The following CHD8 variants were observed in gnomAD, a reference collection of about 807,000 sequenced individuals.
CHD8 encodes the protein chromodomain helicase DNA binding protein 8.
In CHD8, 31 loss-of-function variants were observed where a neutral mutation model predicts 279.2. That is an observed-to-expected ratio of 0.11 (90% confidence interval 0.08 to 0.15). The LOEUF (loss-of-function observed/expected upper bound fraction) is 0.15. Among genes scored for constraint, CHD8 ranks in the 10% least tolerant of loss-of-function variants. The pLI is 1.00. For synonymous variants in CHD8, 1,081 were observed against 1,139.6 expected, an observed-to-expected ratio of 0.95 and a Z score of 1.04; for missense variants, 2,146 against 3,230.5, an observed-to-expected ratio of 0.66 and a Z score of 8.14.
intron 7 of CHD8, 82 bp downstream of exon 7, chr14:21,415,488 CAGTT>C (rs972409226): frequency 1.3e-6 from 1 of 769,390 alleles, no homozygotes; most frequent in Non-Finnish European, 1.8e-6. Flanking sequence ...CTGGGTAACA[CAGTT>C]AGACTCTATT....
At position 21,391,530 on chromosome 14, in the gene CHD8, C is replaced by T. The variant is rs770868219; in HGVS notation, c.6998G>A (p.Arg2333His). The change falls in exon 36 of 38, where the codon CGC (arginine) becomes CAC (histidine). Residue 2333 changes from arginine (R) to histidine (H), a missense_variant. Arg to His is a conservative substitution (Grantham distance 29). This residue lies in a region of CHD8 where 336 missense variants were observed against 392.9 expected (regional missense o/e 0.86). Coordinates refer to ENST00000646647, the MANE Select transcript of CHD8 (RefSeq NM_001170629.2). ...GTLLVGEDAP[R>H]RAELEMWLQG... ...TAACCACATCTCCAGTTCAGCCCGGCGAGGGGCATCCTCACCCACCAGCAA... is the reference window on the plus strand; with the variant it reads ...TAACCACATCTCCAGTTCAGCCCGGTGAGGGGCATCCTCACCCACCAGCAA... 2.1e-5 allele frequency: 34 copies of T among 1,613,652 alleles called. No homozygotes were observed. The highest frequency in any genetic ancestry group is 8.0e-5 in the African/African-American group (6 of 74,904).
rs766723507 is a variant in CHD8, at chr14:21,429,355, T to G, written c.844-20A>C. 1 of 1,601,448 alleles carries G rather than the reference T, an allele frequency of 6.2e-7. No homozygotes were observed. Among genetic ancestry groups the G allele is most frequent in the Non-Finnish European group, 8.5e-7 (1 of 1,170,874 alleles). ...TTCACCCTAAAGTGAAGAAAGGAAA[T>G]TGCAAGAGTACAACATTAAAGAATG... is the stretch of plus-strand genomic sequence containing the variant. On this transcript the variant is annotated intron_variant, in intron 2 of 37. Transcript: ENST00000646647.
intron 34 of CHD8, 150 bp downstream of exon 34, chr14:21,392,357 T>C: frequency 1.2e-6 from 1 of 835,270 alleles, no homozygotes; most frequent in Non-Finnish European, 1.9e-6. Flanking sequence ...CCAGGAAAAA[T>C]GATTCTTCCT....
At position 21,397,823 on chromosome 14, in the gene CHD8, C is replaced by T. The variant is rs1362758706; in HGVS notation, c.5051G>A (p.Gly1684Glu). The change falls in exon 27 of 38, where the codon GGG becomes GAG. Residue 1684 changes from glycine (G) to glutamate (E), a missense_variant and splice_region_variant. This residue lies in a region of CHD8 where 75 missense variants were observed against 81.3 expected (regional missense o/e 0.92). Transcript: ENST00000646647. ...TAAAAGAACAAATACTAATGCTTAC[C>T]CTTCTACTATGTCAGAGAAGTTATC... ...VLDNFSDIVE[G>E]VDFDKDCEDP... 1 of 1,613,302 alleles carries T rather than the reference C, an allele frequency of 6.2e-7. No individual in the cohort carries two copies. The highest frequency in any genetic ancestry group is 8.5e-7 in the Non-Finnish European group (1 of 1,179,602).
Position 21,431,361 on chromosome 14 carries a change from A to G in CHD8, c.283T>C (p.Tyr95His). 3 of 1,537,592 alleles carry G rather than the reference A, an allele frequency of 2.0e-6. No individual in the cohort carries two copies. Among genetic ancestry groups the G allele is most frequent in the Non-Finnish European group, 2.6e-6 (3 of 1,147,102 alleles). ...TCCTGGCTGGCAGGCTGAGTGGTAT[A>G]ATCATGCAAGGTTATGGATTCTGGA... The part of the protein sequence containing the change: ...PAPESITLHD[Y>H]TTQPASQEQP... The change falls in exon 2 of 38, where the codon TAT (tyrosine) becomes CAT (histidine). Residue 95 changes from tyrosine to histidine, a missense_variant. This residue lies in a region of CHD8 where 302 missense variants were observed against 325.5 expected (regional missense o/e 0.93). Coordinates refer to ENST00000646647, the MANE Select transcript of CHD8 (RefSeq NM_001170629.2).
chr14:21,411,365 T>A (rs1372364247), intron 10 of CHD8, among the ~76,000 whole-genome samples: 1 of 152,194 alleles, frequency 6.6e-6, no homozygotes, highest in Admixed American at 6.5e-5. Flanking sequence ...TACCGTGTCC[T>A]GGATATCTAA....
At chr14:21,441,676 C>T (rs961879360) in intron 1 of CHD8, among the ~76,000 whole-genome samples, 8 of 152,074 alleles carry the variant, frequency 5.3e-5, no homozygotes, top group Admixed American at 1.3e-4. Context: ...ATCACGAGGT[C>T]AGGAGATGGA....
intron 1 of CHD8, among the ~76,000 whole-genome samples, chr14:21,454,121 GCACTC>G (rs1290834717): frequency 6.7e-6 from 1 of 148,732 alleles, no homozygotes; most frequent in Non-Finnish European, 1.5e-5. Context: ...TCCTGCCACT[GCACTC>G]CAGCCTGGGT....
intron 1 of CHD8, among the ~76,000 whole-genome samples, chr14:21,444,921 A>C (rs948456008): frequency 1.3e-5 from 2 of 152,070 alleles, no homozygotes; most frequent in Non-Finnish European, 2.9e-5. Context: ...CTTGGTCTGT[A>C]TATCTCCCTG....
chr14:21,411,118 T>G (rs905713740), intron 10 of CHD8, among the ~76,000 whole-genome samples: 2 of 152,138 alleles, frequency 1.3e-5, no homozygotes, highest in African/African-American at 4.8e-5. Context: ...GGGGCCTAAC[T>G]AAAGGCCAAT....
At chr14:21,436,816 G>A (rs1889796898) in intron 1 of CHD8, 1 of 486,686 alleles carries the variant, frequency 2.1e-6, no homozygotes, top group Non-Finnish European at 3.8e-6. Context: ...CATGAAAAAA[G>A]GGAAAGGGCG....
intron 1 of CHD8, among the ~76,000 whole-genome samples, chr14:21,454,106 C>T (rs889784562): frequency 6.7e-6 from 1 of 150,138 alleles, no homozygotes; most frequent in Non-Finnish European, 1.5e-5. Context: ...TGCAGTGAGC[C>T]GAGATCCTGC....
At chr14:21,437,152 C>A in intron 1 of CHD8, 1 of 1,079,452 alleles carries the variant, frequency 9.3e-7, no homozygotes, top group Non-Finnish European at 1.2e-6. Context: ...AAGGAGAAAA[C>A]GAGCTGTGCC....
intron 2 of CHD8, chr14:21,430,514 G>A (rs1889520981): frequency 1.6e-5 from 5 of 318,286 alleles, no homozygotes; most frequent in Non-Finnish European, 2.9e-5. Flanking sequence ...CTTAATATCT[G>A]TCTTTCCTGG....
At chr14:21,420,964 G>C (rs1482984622) in intron 5 of CHD8, among the ~76,000 whole-genome samples, 1 of 152,084 alleles carries the variant, frequency 6.6e-6, no homozygotes, top group Non-Finnish European at 1.5e-5. Context: ...GTTTCTCCAC[G>C]TTGGTCAGGC....
At position 21,431,343 on chromosome 14, in the gene CHD8, TGGC is replaced by T; in HGVS notation, c.298_300del (p.Ala100del). ...ACAGGTTGGGCTGGCTGCTCCTGGC[TGGC>T]AGGCTGAGTGGTATAATCATGCAAG... On this transcript the variant is annotated inframe_deletion, in exon 2 of 38. Transcript: ENST00000646647. 1 of 1,539,118 alleles carries T rather than the reference TGGC, an allele frequency of 6.5e-7. No homozygotes were observed. The highest frequency in any genetic ancestry group is 8.7e-7 in the Non-Finnish European group (1 of 1,147,980).
chr14:21,394,202 G>A lies in CHD8; in HGVS notation c.5600-7C>T, dbSNP rs1169725704. 6.2e-7 allele frequency: 1 copy of A among 1,608,230 alleles called. No individual in the cohort carries two copies. The highest frequency in any genetic ancestry group is 8.5e-7 in the Non-Finnish European group (1 of 1,175,674). ...AGGTTAGGGTCGGGGGGTTCTGCAA[G>A]AGACAGGAGTAGAAGAAATTAACAG... is the stretch of plus-strand genomic sequence containing the variant. On this transcript the variant is annotated splice_region_variant and splice_polypyrimidine_tract_variant and intron_variant, in intron 31 of 37. Transcript: ENST00000646647.
At position 21,392,330 on chromosome 14, in the gene CHD8, T is replaced by G. The variant is rs1887584824; in HGVS notation, c.6771+177A>C. Reference sequence around the variant, plus strand: ...TTAATAGGATTAATAATCAATAGGGTTCAATAAGGAAAACAACCAGGAAAA... The same window carrying G: ...TTAATAGGATTAATAATCAATAGGGGTCAATAAGGAAAACAACCAGGAAAA... On this transcript the variant is annotated intron_variant, in intron 34 of 37. Coordinates refer to ENST00000646647, the MANE Select transcript of CHD8 (RefSeq NM_001170629.2). 8.6e-5 allele frequency: 65 copies of G among 754,932 alleles called. 1 individual carries two copies. The South Asian group carries it at 1.0e-3, about 12-fold the overall frequency. 46.8% of individuals were successfully genotyped at this position (754,932 alleles called of 1,614,324 possible). A position where few individuals can be genotyped will look rare whatever the true frequency, so the allele number is the denominator to read the frequency against.
Position 21,400,956 on chromosome 14 carries a change from G to A in CHD8, c.4289C>T (p.Pro1430Leu), listed in dbSNP as rs750835429. 2 of 1,613,940 alleles carry A rather than the reference G, an allele frequency of 1.2e-6. No individual in the cohort carries two copies. Among genetic ancestry groups the A allele is most frequent in the Non-Finnish European group, 1.7e-6 (2 of 1,179,828 alleles). The change falls in exon 22 of 38, where the codon CCA (proline) becomes CTA (leucine). Residue 1430 changes from proline to leucine, a missense_variant. Coordinates refer to ENST00000646647, the MANE Select transcript of CHD8 (RefSeq NM_001170629.2). This position sits in a 1 kb window ranked among gnomAD's most constrained non-coding sequence, Gnocchi z 4.2. ...ATGACGGTCATGTCTGCGGGAGCGT[G>A]GCCGCTCATCATCCTCACTTTCCAA... is the stretch of plus-strand genomic sequence containing the variant. ...SDLESEDDER[P>L]RSRRHDRHHA...
Sources: allele counts gnomAD v4.1 joint callset (sites outside exome capture counted in the v4.1 genomes callset), GRCh38; gene constraint gnomAD v4.1.1; regional missense constraint gnomAD v4.1.1; non-coding constraint Gnocchi (gnomAD v3.1); transcripts MANE v1.5; gene names NCBI Gene and HGNC (gene_info 2026-07-23, HGNC 2026-07-21).